Variants in ASPH observed in about 807,000 individuals in gnomAD.
ASPH encodes the protein aspartate beta-hydroxylase, also known as aspartyl/asparaginyl beta-hydroxylase.
ASPH carries 100 observed loss-of-function variants against 118.4 expected under a neutral mutation model. The ratio of observed to expected loss-of-function variants is 0.84; its 90% CI spans 0.72 to 1.00. The LOEUF is 1.00. Ranked by LOEUF, ASPH falls within the 50% of genes least tolerant of loss-of-function variation. The pLI is 0.00. For missense variants in ASPH, 920 were observed against 919.5 expected, an observed-to-expected ratio of 1.00 and a Z score of -0.01; for synonymous variants, 315 against 325.6, an observed-to-expected ratio of 0.97 and a Z score of 0.35.
At position 61,576,874 on chromosome 8, in the gene ASPH, A is replaced by C; in HGVS notation, c.1063-16T>G. Reference sequence around the variant, plus strand: ...CAATTTTTCCCTGTTAGAAAGACAAAATTACATAAATAAAATAAATTAAAA... The same window carrying C: ...CAATTTTTCCCTGTTAGAAAGACAACATTACATAAATAAAATAAATTAAAA... On this transcript the variant is annotated splice_polypyrimidine_tract_variant and intron_variant, in intron 15 of 24. Coordinates refer to ENST00000379454, the MANE Select transcript of ASPH (RefSeq NM_004318.4). 6.4e-7 allele frequency: 1 copy of C among 1,565,352 alleles called. No individual in the cohort carries two copies. Among genetic ancestry groups the C allele is most frequent in the Non-Finnish European group, 8.7e-7 (1 of 1,143,340 alleles).
intron 1 of ASPH, among the ~76,000 whole-genome samples, chr8:61,706,196 G>A (rs2151901242): frequency 6.6e-6 from 1 of 151,546 alleles, no homozygotes; most frequent in Non-Finnish European, 1.5e-5. Context: ...GTCGAGATGA[G>A]CAGACCACTT....
At chr8:61,525,913 T>C in intron 22 of ASPH, 64 bp downstream of exon 22, 2 of 1,596,736 alleles carry the variant, frequency 1.3e-6, no homozygotes, top group Non-Finnish European at 1.7e-6. Context: ...CAGAAGACTC[T>C]TGTCAGTACC....
intron 11 of ASPH, 44 bp from the exon 12 acceptor site, chr8:61,638,047 C>T (rs780540327): frequency 6.5e-7 from 1 of 1,544,454 alleles, no homozygotes; most frequent in Non-Finnish European, 8.8e-7. Context: ...TGTTGCTGAC[C>T]AGTGACACAT....
At chr8:61,609,976 G>A (rs540994392) in intron 14 of ASPH, among the ~76,000 whole-genome samples, 7 of 152,088 alleles carry the variant, frequency 4.6e-5, no homozygotes, top group Non-Finnish European at 1.0e-4. Flanking sequence ...TATAGAAATA[G>A]ACAATGTGTT....
intron 21 of ASPH, among the ~76,000 whole-genome samples, chr8:61,544,171 G>C (rs1034902179): frequency 6.6e-6 from 1 of 152,188 alleles, no homozygotes; most frequent in Non-Finnish European, 1.5e-5. Flanking sequence ...GGGGAAGAAT[G>C]GTTGGGAGCA....
chr8:61,553,003 G>T, intron 20 of ASPH, 28 bp downstream of exon 20: 1 of 1,522,090 alleles, frequency 6.6e-7, no homozygotes, highest in South Asian at 1.1e-5. Flanking sequence ...CTCTGTTAGA[G>T]AGAATCAGAA....
intron 13 of ASPH, chr8:61,632,980 T>G: frequency 5.9e-6 from 1 of 170,350 alleles, no homozygotes; most frequent in Non-Finnish European, 1.3e-5. Context: ...GGTAGGATTT[T>G]CCAAATCCTG....
chr8:61,604,666 T>C (rs901820224), intron 14 of ASPH, among the ~76,000 whole-genome samples: 1 of 152,222 alleles, frequency 6.6e-6, no homozygotes, highest in East Asian at 1.9e-4. Context: ...TTTATTTTTA[T>C]GCAACAGCAC....
chr8:61,651,864 A>G (rs1811187871), intron 4 of ASPH, among the ~76,000 whole-genome samples: 1 of 152,244 alleles, frequency 6.6e-6, no homozygotes, highest in Non-Finnish European at 1.5e-5. Flanking sequence ...CTACATTGAT[A>G]CTAAGTTCTC....
intron 22 of ASPH, among the ~76,000 whole-genome samples, chr8:61,519,771 G>A (rs568752557): frequency 3.3e-5 from 5 of 152,284 alleles, no homozygotes; most frequent in East Asian, 1.9e-4. Flanking sequence ...GCCACAAGCC[G>A]GGGAATGTGG....
intron 2 of ASPH, among the ~76,000 whole-genome samples, chr8:61,681,821 C>T (rs1359403036): frequency 6.6e-6 from 1 of 151,830 alleles, no homozygotes; most frequent in East Asian, 1.9e-4. Context: ...ATAAGGAACA[C>T]TGTTATTTTG....
rs560129901 is a variant in ASPH, at chr8:61,706,715, GA to G, written c.103+7553del. Among the ~76,000 whole-genome samples, 14 of 152,274 alleles carry G rather than the reference GA, an allele frequency of 9.2e-5. No homozygotes were observed. The East Asian group carries it at 2.7e-3, about 29-fold the overall frequency. ...GTCCCAAAGCAGCAAACACAATAGT[GA>G]AAAAGGCAGGGTAGAAGGACATGCC... On this transcript the variant is annotated intron_variant, in intron 1 of 24. Transcript: ENST00000379454.
At position 61,560,088 on chromosome 8, in the gene ASPH, T is replaced by G. The variant is rs368854431; in HGVS notation, c.1437+2656A>C. Among the ~76,000 whole-genome samples the G allele has an allele frequency of 1.4e-4, 21 of 152,362 alleles. No homozygotes were observed. In the East Asian group the frequency reaches 3.9e-3, roughly 28 times the overall value. On this transcript the variant is annotated intron_variant, in intron 18 of 24. Transcript: ENST00000379454. Reference sequence around the variant, plus strand: ...CGTGATTTGGTACCAGATTATAAACTTCATGTGGGCACATTCTGCGTGTGT... The same window carrying G: ...CGTGATTTGGTACCAGATTATAAACGTCATGTGGGCACATTCTGCGTGTGT...
chr8:61,695,401 AC>A (rs990947625), intron 1 of ASPH, among the ~76,000 whole-genome samples: 1 of 151,800 alleles, frequency 6.6e-6, no homozygotes, highest in Non-Finnish European at 1.5e-5. Flanking sequence ...GTGTTGTGTC[AC>A]CCCCCTAGCT....
chr8:61,661,810 TTAAC>T (rs1384317884), intron 3 of ASPH: 33 of 381,820 alleles, frequency 8.6e-5, no homozygotes, highest in Admixed American at 3.2e-4. Context: ...ACCTACAGAA[TTAAC>T]TTAAGTAGTC....
chr8:61,592,998 C>T (rs1369457900), intron 14 of ASPH, among the ~76,000 whole-genome samples: 1 of 152,216 alleles, frequency 6.6e-6, no homozygotes, highest in African/African-American at 2.4e-5. Context: ...AAACCTGAAT[C>T]TACGAGTGTT....
chr8:61,507,117 A>C (rs1806907912), intron 24 of ASPH, among the ~76,000 whole-genome samples: 1 of 152,226 alleles, frequency 6.6e-6, no homozygotes, highest in African/African-American at 2.4e-5. Flanking sequence ...AAAGGCCTTA[A>C]GCATTCCATT....
At chr8:61,558,916 C>T (rs539745527) in intron 18 of ASPH, among the ~76,000 whole-genome samples, 28 of 152,322 alleles carry the variant, frequency 1.8e-4, no homozygotes, top group African/African-American at 6.7e-4. Context: ...CCCTCATCCT[C>T]CTCCTCTTCC....
intron 14 of ASPH, among the ~76,000 whole-genome samples, chr8:61,599,964 A>G (rs1843499092): frequency 6.6e-6 from 1 of 152,182 alleles, no homozygotes; most frequent in Non-Finnish European, 1.5e-5. Flanking sequence ...GACAACAAGA[A>G]CAACAAAAAA....
Sources: gnomAD v4.1 joint callset for allele counts (sites outside exome capture counted in the v4.1 genomes callset) on GRCh38, gnomAD v4.1.1 for gene constraint, MANE v1.5 for transcripts, NCBI Gene and HGNC (gene_info 2026-07-23, HGNC 2026-07-21) for gene names.